The following PHF5A variants were observed in gnomAD, a reference collection of about 807,000 sequenced individuals.
PHF5A encodes the protein PHD finger-like domain-containing protein 5A.
For synonymous variants in PHF5A, 52 were observed against 46.0 expected, an observed-to-expected ratio of 1.13 and a Z score of -0.52; for missense variants, 24 against 140.6, an observed-to-expected ratio of 0.17 and a Z score of 4.19.
At chr22:41,463,551 C>T (rs1459152430) in intron 3 of PHF5A, among the ~76,000 whole-genome samples, 3 of 151,316 alleles carry the variant, frequency 2.0e-5, no homozygotes, top group Non-Finnish European at 4.4e-5. Context: ...CATGGTGAAA[C>T]TCTGTCTCTA....
chr22:41,463,544 G>C (rs1018501090), intron 3 of PHF5A, among the ~76,000 whole-genome samples: 11 of 151,312 alleles, frequency 7.3e-5, no homozygotes, highest in African/African-American at 2.7e-4. Flanking sequence ...TAGCCAACAT[G>C]GTGAAACTCT....
At chr22:41,462,175 AATG>A (rs2037832122) in intron 3 of PHF5A, among the ~76,000 whole-genome samples, 1 of 152,154 alleles carries the variant, frequency 6.6e-6, no homozygotes, top group Admixed American at 6.6e-5. Flanking sequence ...GTTATATAGA[AATG>A]ATGACTCCAT....
chr22:41,468,552 C>T, intron 1 of PHF5A, 50 bp downstream of exon 1: 1 of 1,602,356 alleles, frequency 6.2e-7, no homozygotes, highest in Non-Finnish European at 8.6e-7. Flanking sequence ...GACCCCCCAG[C>T]TCCTAATACC....
At chr22:41,461,894 C>CAGGA (rs2037830342) in intron 3 of PHF5A, among the ~76,000 whole-genome samples, 1 of 152,148 alleles carries the variant, frequency 6.6e-6, no homozygotes, top group Non-Finnish European at 1.5e-5. Flanking sequence ...ATCTCTTGAC[C>CAGGA]TCCTGATCCA....
Position 41,460,505 on chromosome 22 carries a change from G to A in PHF5A, c.244-18C>T. The A allele has an allele frequency of 6.3e-7, 1 of 1,582,178 alleles. No homozygotes were observed. Among genetic ancestry groups the A allele is most frequent in the South Asian group, 1.1e-5 (1 of 87,104 alleles). On this transcript the variant is annotated intron_variant, in intron 3 of 3. Coordinates refer to ENST00000216252, the MANE Select transcript of PHF5A (RefSeq NM_032758.4). ...CCATCTCTCTGGAAAACAGAACAGA[G>A]AAGTTGTTAAGTCTTTGAGCCTGAA...
chr22:41,468,121 C>T lies in PHF5A; in HGVS notation c.76+3G>A, dbSNP rs746982843. The T allele has an allele frequency of 9.9e-6, 16 of 1,613,882 alleles. No individual in the cohort carries two copies. In the South Asian group the frequency reaches 1.5e-4, roughly 16 times the overall value. ...GGTTGTTGGGACGGTGTGTTCCACTCACATTTTTCACACAGTCTTCCGATG... is the reference window on the plus strand; with the variant it reads ...GGTTGTTGGGACGGTGTGTTCCACTTACATTTTTCACACAGTCTTCCGATG... On this transcript the variant is annotated splice_donor_region_variant and intron_variant, in intron 2 of 3. Transcript: ENST00000216252.
chr22:41,463,059 A>G (rs1221410797), intron 3 of PHF5A, among the ~76,000 whole-genome samples: 1 of 151,636 alleles, frequency 6.6e-6, no homozygotes, highest in East Asian at 2.0e-4. Context: ...TTTTTAGTAG[A>G]GATGGGGTTT....
At position 41,467,402 on chromosome 22, in the gene PHF5A, T is replaced by G. The variant is rs1383509662; in HGVS notation, c.243+46A>C. 2.5e-6 allele frequency: 4 copies of G among 1,586,830 alleles called. No individual in the cohort carries two copies. In the East Asian group the frequency reaches 8.9e-5, roughly 35 times the overall value. On this transcript the variant is annotated intron_variant, in intron 3 of 3. Coordinates refer to ENST00000216252, the MANE Select transcript of PHF5A (RefSeq NM_032758.4). ...GAGATTGCAGTGGATGGCAAAGTGTTACTAAACAAAAGGAGGAAAGGTCAG... is the reference window on the plus strand; with the variant it reads ...GAGATTGCAGTGGATGGCAAAGTGTGACTAAACAAAAGGAGGAAAGGTCAG...
In PHF5A at chr22:41,461,913, G is replaced by A. The variant is rs867401883; in HGVS notation, c.244-1426C>T. Among the ~76,000 whole-genome samples the A allele has an allele frequency of 6.6e-5, 10 of 152,038 alleles. No individual in the cohort carries two copies. In the South Asian group the frequency reaches 1.9e-3, roughly 28 times the overall value. ...CTTGACCTCCTGATCCACTCACCTC[G>A]GCCTCCTAAAGTGATGGGATTTCAG... On this transcript the variant is annotated intron_variant, in intron 3 of 3. Transcript: ENST00000216252.
chr22:41,462,697 T>C (rs753673930), intron 3 of PHF5A, among the ~76,000 whole-genome samples: 4 of 152,118 alleles, frequency 2.6e-5, no homozygotes, highest in Admixed American at 6.6e-5. Flanking sequence ...TGTGCAAATG[T>C]GGGCAAGTTG....
chr22:41,467,798 T>A (rs555789304), intron 2 of PHF5A, among the ~76,000 whole-genome samples, 184 bp from the exon 3 acceptor site: 1 of 152,144 alleles, frequency 6.6e-6, no homozygotes, highest in Non-Finnish European at 1.5e-5. Flanking sequence ...CCTCAACACA[T>A]ACAAAAGTTT....
At chr22:41,463,094 G>A (rs12165528) in intron 3 of PHF5A, among the ~76,000 whole-genome samples, 10 of 151,786 alleles carry the variant, frequency 6.6e-5, no homozygotes, top group Non-Finnish European at 1.0e-4. Context: ...GTCTGGTCTC[G>A]AACTCCTGAC....
chr22:41,463,568 A>T (rs2037842524), intron 3 of PHF5A, among the ~76,000 whole-genome samples: 1 of 149,844 alleles, frequency 6.7e-6, no homozygotes, highest in South Asian at 2.1e-4. Context: ...TCTACTAAAA[A>T]CAAAAAATTA....
At chr22:41,463,720 G>A (rs1040364762) in intron 3 of PHF5A, among the ~76,000 whole-genome samples, 2 of 71,144 alleles carry the variant, frequency 2.8e-5, no homozygotes, top group Non-Finnish European at 4.6e-5. Flanking sequence ...GTAAGACTCT[G>A]TCTCAAAAAA....
intron 3 of PHF5A, among the ~76,000 whole-genome samples, chr22:41,464,771 T>C (rs1476749643): frequency 6.6e-6 from 1 of 152,236 alleles, no homozygotes; most frequent in Admixed American, 6.5e-5. Context: ...AGGAACTGTT[T>C]GTTACTTTTC....
chr22:41,467,957 G>C (rs2146066240), intron 2 of PHF5A, 167 bp downstream of exon 2: 1 of 679,086 alleles, frequency 1.5e-6, no homozygotes, highest in Middle Eastern at 4.1e-4. Context: ...CGTTAAATGT[G>C]CAAGCGGCAG....
At chr22:41,462,129 G>A (rs1435675022) in intron 3 of PHF5A, among the ~76,000 whole-genome samples, 2 of 152,190 alleles carry the variant, frequency 1.3e-5, no homozygotes, top group Admixed American at 1.3e-4. Flanking sequence ...CATTTGATGA[G>A]CTTGAGTGCT....
In PHF5A at chr22:41,460,376, G is replaced by C. The variant is rs752594319; in HGVS notation, c.*22C>G. 6.4e-7 allele frequency: 1 copy of C among 1,574,250 alleles called. No homozygotes were observed. The highest frequency in any genetic ancestry group is 8.7e-7 in the Non-Finnish European group (1 of 1,151,308). On this transcript the variant is annotated 3_prime_UTR_variant, in exon 4 of 4. Coordinates refer to ENST00000216252, the MANE Select transcript of PHF5A (RefSeq NM_032758.4). ...CAGCTGCAGCAGACTGATGTTGGGGGGAGGAAGGGGCCACCCACCAATCAC... is the reference window on the plus strand; with the variant it reads ...CAGCTGCAGCAGACTGATGTTGGGGCGAGGAAGGGGCCACCCACCAATCAC...
At chr22:41,463,133 A>G (rs1340458985) in intron 3 of PHF5A, among the ~76,000 whole-genome samples, 2 of 151,958 alleles carry the variant, frequency 1.3e-5, no homozygotes, top group African/African-American at 4.8e-5. Flanking sequence ...GGGCCTCCCA[A>G]AGCGCTGGGA....
Sources: gnomAD v4.1 joint callset for allele counts (sites outside exome capture counted in the v4.1 genomes callset) on GRCh38, gnomAD v4.1.1 for gene constraint, MANE v1.5 for transcripts, NCBI Gene and HGNC (gene_info 2026-07-23, HGNC 2026-07-21) for gene names.